ESRRG: variants seen among roughly 807,000 people sequenced by gnomAD.
The protein encoded by ESRRG is estrogen related receptor gamma.
Under a neutral mutation model 44.0 loss-of-function variants are expected in ESRRG, and 13 were observed. The observed-to-expected ratio is 0.30, with a 90% confidence interval of 0.19 to 0.47. The LOEUF is 0.47. Among genes scored for constraint, ESRRG ranks in the 20% least tolerant of loss-of-function variants. The pLI, the probability that ESRRG is intolerant of heterozygous loss-of-function variation, is 1.00. For synonymous variants in ESRRG, 215 were observed against 214.6 expected, an observed-to-expected ratio of 1.00 and a Z score of -0.02; for missense variants, 395 against 580.6, an observed-to-expected ratio of 0.68 and a Z score of 3.29.
rs554620059 is a variant in ESRRG at position 216,812,310 on chromosome 1, A to G, written c.-14+127272T>C. Among the ~76,000 whole-genome samples, 18 of 152,302 alleles carry G rather than the reference A, an allele frequency of 1.2e-4. No individual in the cohort carries two copies. The South Asian group carries it at 3.7e-3, about 32-fold the overall frequency. ...ATAGGGAAATTTTTGCTTTTATTGA[A>G]CAACCATAAGTAGATATACATTGAA... On this transcript the variant is annotated intron_variant, in intron 2 of 7. Transcript: ENST00000359162.
chr1:216,551,583 G>A lies in ESRRG; in HGVS notation c.862+12636C>T, dbSNP rs146176578. Among the ~76,000 whole-genome samples, 383 of 152,212 alleles carry A rather than the reference G, an allele frequency of 2.5e-3. 2 individuals carry two copies. Among genetic ancestry groups the A allele is most frequent in the African/African-American group, 8.9e-3 (371 of 41,534 alleles). Reference sequence around the variant, plus strand: ...AAAGTTTCATGGCAAATACACAGACGTGTTAAAACCCTCAGAGTGCAGAGG... The same window carrying A: ...AAAGTTTCATGGCAAATACACAGACATGTTAAAACCCTCAGAGTGCAGAGG... On this transcript the variant is annotated intron_variant, in intron 5 of 6. Transcript: ENST00000408911.
At chr1:216,988,424 T>C (rs2075210377) in intron 1 of ESRRG, among the ~76,000 whole-genome samples, 1 of 152,252 alleles carries the variant, frequency 6.6e-6, no homozygotes, top group African/African-American at 2.4e-5. Flanking sequence ...ACCCTCAATG[T>C]ATGTTGCTTG....
chr1:216,687,891 T>A (rs565381890), intron 1 of ESRRG, among the ~76,000 whole-genome samples: 37 of 152,288 alleles, frequency 2.4e-4, no homozygotes, highest in Non-Finnish European at 4.3e-4. Context: ...TTTAAAAAAA[T>A]TTTTCTGATT....
At chr1:216,551,776 G>A (rs17042811) in intron 5 of ESRRG, among the ~76,000 whole-genome samples, 15,379 of 152,168 alleles carry the variant, frequency 0.1, 908 homozygotes, top group East Asian at 0.19. Context: ...ATATAGTAGA[G>A]AGGCTGACGG....
At chr1:216,532,098 C>A (rs2049542194) in intron 5 of ESRRG, among the ~76,000 whole-genome samples, 3 of 149,738 alleles carry the variant, frequency 2.0e-5, no homozygotes, top group Admixed American at 2.0e-4. Context: ...CTGTCTACAA[C>A]AGTCCAAAAT....
At chr1:217,033,905 C>T (rs1055457556) in intron 1 of ESRRG, among the ~76,000 whole-genome samples, 1 of 152,140 alleles carries the variant, frequency 6.6e-6, no homozygotes, top group African/African-American at 2.4e-5. Context: ...TAAATACGTT[C>T]GTTAAAGCTA....
At position 216,617,241 on chromosome 1, in the gene ESRRG, C is replaced by G. The variant is rs190206471; in HGVS notation, c.589+33732G>C. ...GCATGAGTGGCTGATGTTAACCAAA[C>G]CAAACGCCACTTGAGAATGCCATTA... is the stretch of plus-strand genomic sequence containing the variant. On this transcript the variant is annotated intron_variant, in intron 3 of 6. Transcript: ENST00000408911. Among the ~76,000 whole-genome samples, 70 of 152,152 alleles carry G rather than the reference C, an allele frequency of 4.6e-4. 1 individual carries two copies. Among genetic ancestry groups the G allele is most frequent in the Admixed American group, 3.9e-3 (60 of 15,280 alleles).
intron 2 of ESRRG, among the ~76,000 whole-genome samples, chr1:216,904,465 C>T (rs17684132): frequency 2.6e-5 from 4 of 152,110 alleles, no homozygotes; most frequent in Non-Finnish European, 4.4e-5. Context: ...CATTGAAAAG[C>T]GCACTTAGCG....
At chr1:216,712,656 C>T (rs2083878748) in intron 1 of ESRRG, among the ~76,000 whole-genome samples, 5 of 152,126 alleles carry the variant, frequency 3.3e-5, no homozygotes, top group Admixed American at 3.3e-4. Context: ...TAGTGCTTTC[C>T]TCGGGCAGGA....
At chr1:216,567,895 G>A in intron 4 of ESRRG, 93 bp downstream of exon 4, 1 of 777,342 alleles carries the variant, frequency 1.3e-6, no homozygotes. Context: ...TCTCCTTGGA[G>A]TCAGTAGGGA....
At chr1:216,558,151 T>C (rs1412349508) in intron 5 of ESRRG, among the ~76,000 whole-genome samples, 1 of 152,206 alleles carries the variant, frequency 6.6e-6, no homozygotes, top group Non-Finnish European at 1.5e-5. Context: ...CTAGGAAACC[T>C]AGCTACTTCT....
intron 2 of ESRRG, among the ~76,000 whole-genome samples, chr1:216,779,265 ATATATTTATATTTATAAACAT>A (rs1200042195): frequency 0.32 from 16,053 of 50,890 alleles, 3,251 homozygotes; most frequent in Admixed American, 0.42. Flanking sequence ...AAATATAAAT[ATATATTTATATTTATAAACAT>A]TATATTTATA....
chr1:216,643,723 T>C (rs1343934217), intron 3 of ESRRG, among the ~76,000 whole-genome samples: 4 of 152,140 alleles, frequency 2.6e-5, no homozygotes, highest in Non-Finnish European at 4.4e-5. Flanking sequence ...AGCAGTCCCA[T>C]CAAACTTTAG....
At chr1:216,888,080 C>T (rs1577700363) in intron 2 of ESRRG, among the ~76,000 whole-genome samples, 2 of 152,054 alleles carry the variant, frequency 1.3e-5, no homozygotes, top group East Asian at 3.9e-4. Flanking sequence ...ACTGTGCAAT[C>T]ACAATTTACT....
chr1:217,056,816 C>G (rs2087201985), intron 1 of ESRRG, among the ~76,000 whole-genome samples: 1 of 151,556 alleles, frequency 6.6e-6, no homozygotes, highest in Non-Finnish European at 1.5e-5. Context: ...ATGGGGCAAA[C>G]CACCAACTGC....
chr1:217,091,349 AC>A (rs2092342173), upstream of ESRRG, among the ~76,000 whole-genome samples: 2 of 152,140 alleles, frequency 1.3e-5, no homozygotes. Context: ...TGAGAGAAAA[AC>A]TTTTGAATTC....
At chr1:216,784,055 A>G (rs1277927556) in intron 2 of ESRRG, among the ~76,000 whole-genome samples, 1 of 152,028 alleles carries the variant, frequency 6.6e-6, no homozygotes, top group East Asian at 1.9e-4. Flanking sequence ...CCTCCTGAGC[A>G]AATTACATTT....
chr1:217,039,423 G>C (rs1168470056), intron 1 of ESRRG, among the ~76,000 whole-genome samples: 2 of 152,304 alleles, frequency 1.3e-5, no homozygotes, highest in Non-Finnish European at 2.9e-5. Flanking sequence ...TAAGTGTGGA[G>C]GCCTCACAAT....
intron 1 of ESRRG, among the ~76,000 whole-genome samples, chr1:217,023,450 GC>G (rs1332634487): frequency 6.6e-6 from 1 of 152,110 alleles, no homozygotes; most frequent in African/African-American, 2.4e-5. Context: ...AGTTTGATGT[GC>G]CACGAAGCCA....
Sources: gnomAD v4.1 joint callset for allele counts (sites outside exome capture counted in the v4.1 genomes callset) on GRCh38, gnomAD v4.1.1 for gene constraint, MANE v1.5 for transcripts, NCBI Gene and HGNC (gene_info 2026-07-23, HGNC 2026-07-21) for gene names.